Variants in SLC12A6 observed in about 807,000 individuals in gnomAD.
The protein encoded by SLC12A6 is K-Cl cotransporter 3.
SLC12A6 carries 66 observed loss-of-function variants against 135.3 expected under a neutral mutation model. The ratio of observed to expected loss-of-function variants is 0.49; its 90% CI spans 0.40 to 0.60. The LOEUF (loss-of-function observed/expected upper bound fraction) is 0.60. Ranked by LOEUF, SLC12A6 falls within the 20% of genes least tolerant of loss-of-function variation. The pLI is 0.00. For synonymous variants in SLC12A6, 513 were observed against 508.8 expected, an observed-to-expected ratio of 1.01 and a Z score of -0.11; for missense variants, 1,058 against 1,452.3, an observed-to-expected ratio of 0.73 and a Z score of 4.41.
At position 34,330,666 on chromosome 15, in the gene SLC12A6, C is replaced by CA. The variant is rs921606204; in HGVS notation, c.271+5743dup. Among the ~76,000 whole-genome samples the CA allele has an allele frequency of 9.0e-3, 1,188 of 132,462 alleles. 15 individuals carry two copies. Among genetic ancestry groups the CA allele is most frequent in the African/African-American group, 0.029 (1,018 of 35,236 alleles). The allele number at this position is 132,462 out of a possible 152,430, so 86.9% of individuals were successfully genotyped here. The stretch of plus-strand genomic sequence containing the variant: ...TGGTTGACAGAATGAGACCCTGTCT[C>CA]AAAAAAAAAACAAAAACAAAAACAA... On this transcript the variant is annotated intron_variant, in intron 2 of 25. Transcript: ENST00000354181.
At chr15:34,238,115 C>G in intron 21 of SLC12A6, 117 bp downstream of exon 21, 1 of 781,748 alleles carries the variant, frequency 1.3e-6, no homozygotes, top group South Asian at 1.4e-5. Flanking sequence ...AGAATAACTT[C>G]CAACTCTTCT....
In SLC12A6 at chr15:34,301,711, TGGGC is replaced by T. The variant is rs1177375566; in HGVS notation, c.272-26326_272-26323del. On this transcript the variant is annotated intron_variant, in intron 2 of 25. Coordinates refer to ENST00000354181, the MANE Select transcript of SLC12A6 (RefSeq NM_001365088.1). ...TAAAGAAAAGACAGCCAGACAAGGC[TGGGC>T]GTGGTGGCTCACGCCTGTAATCCCA... Among the ~76,000 whole-genome samples, 542 of 152,186 alleles carry T rather than the reference TGGGC, an allele frequency of 3.6e-3. 4 individuals carry two copies. The highest frequency in any genetic ancestry group is 0.012 in the African/African-American group (519 of 41,578).
intron 2 of SLC12A6, among the ~76,000 whole-genome samples, chr15:34,314,566 C>G (rs1224447371): frequency 6.6e-6 from 1 of 152,182 alleles, no homozygotes; most frequent in Non-Finnish European, 1.5e-5. Context: ...ATTTCAACTT[C>G]CAAGTCTTAT....
chr15:34,257,942 T>C, intron 5 of SLC12A6, 154 bp from the exon 6 acceptor site: 2 of 624,470 alleles, frequency 3.2e-6, no homozygotes, highest in South Asian at 1.9e-5. Context: ...ATATAAAATC[T>C]CCATCTTTCA....
intron 2 of SLC12A6, among the ~76,000 whole-genome samples, chr15:34,335,201 A>G (rs1890118700): frequency 6.6e-6 from 1 of 152,258 alleles, no homozygotes; most frequent in South Asian, 2.1e-4. Flanking sequence ...AGTTGAAAAC[A>G]GTAAAGTCTG....
chr15:34,276,867 A>C (rs1229251571), intron 2 of SLC12A6, among the ~76,000 whole-genome samples: 1 of 152,222 alleles, frequency 6.6e-6, no homozygotes, highest in African/African-American at 2.4e-5. Context: ...AGAAAGAAAC[A>C]ATCAGAATAC....
At chr15:34,236,838 G>C (rs1891303064) in intron 22 of SLC12A6, 23 bp from the exon 23 acceptor site, 1 of 1,343,048 alleles carries the variant, frequency 7.4e-7, no homozygotes, top group African/African-American at 1.4e-5. Context: ...TCACATAAAA[G>C]GGGCAAAAAG....
At chr15:34,329,403 CCTT>C (rs1407602943) in intron 2 of SLC12A6, among the ~76,000 whole-genome samples, 4 of 152,162 alleles carry the variant, frequency 2.6e-5, no homozygotes, top group African/African-American at 9.7e-5. Context: ...GAAACATTCC[CCTT>C]CTTCTAACAG....
chr15:34,264,186 T>C (rs985782371), intron 3 of SLC12A6, among the ~76,000 whole-genome samples: 10 of 152,212 alleles, frequency 6.6e-5, no homozygotes, highest in African/African-American at 2.4e-4. Context: ...CGATAATCAA[T>C]GGTTGTTAAA....
chr15:34,254,687 G>T, intron 8 of SLC12A6, 98 bp from the exon 9 acceptor site: 1 of 918,064 alleles, frequency 1.1e-6, no homozygotes, highest in Non-Finnish European at 1.7e-6. Context: ...AGAAAGCAAA[G>T]CTGAGAGAGA....
At chr15:34,290,887 G>GA (rs1428054117) in intron 2 of SLC12A6, among the ~76,000 whole-genome samples, 1 of 152,120 alleles carries the variant, frequency 6.6e-6, no homozygotes, top group African/African-American at 2.4e-5. Flanking sequence ...TTGCACGTGA[G>GA]ATGGGTCTCC....
intron 13 of SLC12A6, among the ~76,000 whole-genome samples, chr15:34,249,960 G>A (rs144813038): frequency 4.5e-4 from 68 of 152,222 alleles, no homozygotes; most frequent in African/African-American, 1.5e-3. Flanking sequence ...GCTGGAGTAC[G>A]GTGGCACAAT....
chr15:34,274,606 A>T (rs1894173732), intron 3 of SLC12A6, among the ~76,000 whole-genome samples: 1 of 152,108 alleles, frequency 6.6e-6, no homozygotes, highest in Admixed American at 6.5e-5. Flanking sequence ...CGAGGTCAGG[A>T]GATGGAGACC....
At chr15:34,260,528 G>A (rs969420356) in intron 4 of SLC12A6, among the ~76,000 whole-genome samples, 44 of 152,326 alleles carry the variant, frequency 2.9e-4, no homozygotes, top group African/African-American at 1.0e-3. Flanking sequence ...AAAGTGCTGG[G>A]ATTACAGGCG....
At chr15:34,257,273 T>C (rs1208679370) in intron 6 of SLC12A6, among the ~76,000 whole-genome samples, 8 of 152,226 alleles carry the variant, frequency 5.3e-5, no homozygotes. Context: ...CAATAACCTG[T>C]CTTGTTTCTC....
At chr15:34,298,392 T>C (rs894254877) in intron 2 of SLC12A6, among the ~76,000 whole-genome samples, 2 of 151,990 alleles carry the variant, frequency 1.3e-5, no homozygotes, top group African/African-American at 4.8e-5. Context: ...GGAGAACTGC[T>C]TGAACCCGGG....
At chr15:34,292,479 C>A (rs777709189) in intron 2 of SLC12A6, among the ~76,000 whole-genome samples, 1 of 152,186 alleles carries the variant, frequency 6.6e-6, no homozygotes, top group Admixed American at 6.5e-5. Context: ...TGTGTCCATT[C>A]TTAGAGCTCA....
At chr15:34,253,027 C>T (rs544387738) in intron 9 of SLC12A6, among the ~76,000 whole-genome samples, 63 of 152,224 alleles carry the variant, frequency 4.1e-4, no homozygotes, top group Non-Finnish European at 7.1e-4. Flanking sequence ...GTGGGAGTGA[C>T]GGTAAGGATA....
chr15:34,246,655 GT>G (rs1387104812), intron 13 of SLC12A6, among the ~76,000 whole-genome samples: 6 of 146,518 alleles, frequency 4.1e-5, no homozygotes, highest in Admixed American at 6.8e-5. Context: ...GGCAGGTTTT[GT>G]TTTTTTTTTG....
Sources: gnomAD v4.1 joint callset for allele counts (sites outside exome capture counted in the v4.1 genomes callset) on GRCh38, gnomAD v4.1.1 for gene constraint, MANE v1.5 for transcripts, NCBI Gene and HGNC (gene_info 2026-07-23, HGNC 2026-07-21) for gene names.